Variants in CEP112 observed in about 807,000 individuals in gnomAD.
CEP112 encodes the protein centrosomal protein of 112 kDa.
In CEP112, 127 loss-of-function variants were observed where a neutral mutation model predicts 153.0. The ratio of observed to expected loss-of-function variants is 0.83; its 90% CI spans 0.72 to 0.96. The LOEUF (loss-of-function observed/expected upper bound fraction) is 0.96, where lower values mean the gene tolerates loss of function less well. CEP112 is among the 40% of genes least tolerant of loss of function. CEP112 has a pLI of 0.00. For synonymous variants in CEP112, 358 were observed against 374.4 expected, an observed-to-expected ratio of 0.96 and a Z score of 0.51; for missense variants, 1,089 against 1,101.2, an observed-to-expected ratio of 0.99 and a Z score of 0.16.
chr17:65,876,842 T>C (rs1384661948), intron 20 of CEP112, among the ~76,000 whole-genome samples: 1 of 152,170 alleles, frequency 6.6e-6, no homozygotes, highest in African/African-American at 2.4e-5. Flanking sequence ...TTATTTTGAT[T>C]GTTACATTTT....
At chr17:65,857,818 G>GAGTT in intron 20 of CEP112, among the ~76,000 whole-genome samples, 1 of 152,234 alleles carries the variant, frequency 6.6e-6, no homozygotes, top group Admixed American at 6.5e-5. Flanking sequence ...AGTATAAGAT[G>GAGTT]AGTTATTTGT....
At chr17:65,758,014 T>C (rs187985692) in intron 21 of CEP112, among the ~76,000 whole-genome samples, 1 of 152,254 alleles carries the variant, frequency 6.6e-6, no homozygotes, top group Admixed American at 6.5e-5. Context: ...GGGAACCACA[T>C]AGTGAGACAG....
chr17:65,886,686 T>C (rs1352999277), intron 20 of CEP112, among the ~76,000 whole-genome samples: 3 of 152,238 alleles, frequency 2.0e-5, no homozygotes, highest in Admixed American at 1.3e-4. Flanking sequence ...GTAGTTAAAA[T>C]GCAATTCACT....
At chr17:66,186,206 T>C (rs2072927772) in intron 1 of CEP112, among the ~76,000 whole-genome samples, 1 of 152,152 alleles carries the variant, frequency 6.6e-6, no homozygotes, top group Admixed American at 6.5e-5. Context: ...GCTCCAACCA[T>C]CTGACTACCA....
chr17:65,679,027 G>A (rs778692350), intron 24 of CEP112, among the ~76,000 whole-genome samples: 40 of 149,894 alleles, frequency 2.7e-4, no homozygotes, highest in Non-Finnish European at 1.0e-4. Context: ...TTGCTTTGGC[G>A]CTTTGCCACC....
At chr17:66,085,997 A>AAAAAAAAAAAAAG (rs2067912254) in intron 8 of CEP112, among the ~76,000 whole-genome samples, 1 of 151,280 alleles carries the variant, frequency 6.6e-6, no homozygotes. Flanking sequence ...AAAAAAAAAA[A>AAAAAAAAAAAAAG]GCAATGAAAT....
At chr17:66,152,675 A>G (rs1166515745) in intron 4 of CEP112, among the ~76,000 whole-genome samples, 1 of 152,200 alleles carries the variant, frequency 6.6e-6, no homozygotes, top group Non-Finnish European at 1.5e-5. Context: ...TAAAAAGATT[A>G]AGAGTATGCC....
intron 20 of CEP112, among the ~76,000 whole-genome samples, chr17:65,854,983 C>T (rs2058078767): frequency 1.3e-5 from 2 of 152,152 alleles, no homozygotes; most frequent in South Asian, 4.2e-4. Flanking sequence ...TCAGGGATAT[C>T]AACATGGCAG....
At chr17:65,654,056 CA>C (rs773433478) in intron 24 of CEP112, among the ~76,000 whole-genome samples, 2,297 of 26,900 alleles carry the variant, frequency 0.085, 7 homozygotes, top group African/African-American at 0.12. Context: ...AAGACTCCAT[CA>C]AAAAAAAAAA....
At chr17:65,939,774 A>G (rs2061453239) in intron 18 of CEP112, among the ~76,000 whole-genome samples, 1 of 152,212 alleles carries the variant, frequency 6.6e-6, no homozygotes, top group Non-Finnish European at 1.5e-5. Flanking sequence ...ATAAAAGTTG[A>G]AGCTCTAAAA....
intron 21 of CEP112, among the ~76,000 whole-genome samples, chr17:65,813,586 T>C (rs2056104881): frequency 6.6e-6 from 1 of 152,210 alleles, no homozygotes; most frequent in African/African-American, 2.4e-5. Context: ...GTTCTGCAAC[T>C]TGTAGCTGTG....
At position 66,191,836 on chromosome 17, in the gene CEP112, G is replaced by A. The variant is rs1001909963; in HGVS notation, c.-9+161C>T. ...ACAGCGGGCAGCGCCGGGACCCCAGGGGCGCGCGCCCCCCAGGCCCGGAGA... is the reference window on the plus strand; with the variant it reads ...ACAGCGGGCAGCGCCGGGACCCCAGAGGCGCGCGCCCCCCAGGCCCGGAGA... On this transcript the variant is annotated intron_variant, in intron 1 of 26. Coordinates refer to ENST00000535342, the MANE Select transcript of CEP112 (RefSeq NM_001199165.4). This position sits in a 1 kb window ranked among gnomAD's most constrained non-coding sequence, Gnocchi z 4.2. 4 of 152,384 alleles carry A rather than the reference G, an allele frequency of 2.6e-5. No homozygotes were observed. Among genetic ancestry groups the A allele is most frequent in the Admixed American group, 6.5e-5 (1 of 15,278 alleles). The allele number at this position is 152,384 out of a possible 1,614,324, so 9.4% of individuals were successfully genotyped here.
intron 16 of CEP112, among the ~76,000 whole-genome samples, chr17:66,023,300 T>C (rs1325139394): frequency 6.6e-6 from 1 of 151,714 alleles, no homozygotes; most frequent in African/African-American, 2.4e-5. Flanking sequence ...AAGAAAAAAA[T>C]CCTAAACTCA....
chr17:65,989,592 A>G (rs992795237), intron 17 of CEP112, among the ~76,000 whole-genome samples: 2 of 152,204 alleles, frequency 1.3e-5, no homozygotes, highest in African/African-American at 4.8e-5. Flanking sequence ...CACCAACACC[A>G]GAACCATCTT....
chr17:66,075,977 G>T (rs1349653649), intron 8 of CEP112, among the ~76,000 whole-genome samples: 1 of 152,252 alleles, frequency 6.6e-6, no homozygotes, highest in East Asian at 1.9e-4. Context: ...AGACATTTCC[G>T]ACCTTACCCA....
At chr17:65,971,041 T>C (rs1191571257) in intron 17 of CEP112, among the ~76,000 whole-genome samples, 2 of 152,220 alleles carry the variant, frequency 1.3e-5, no homozygotes, top group African/African-American at 4.8e-5. Flanking sequence ...TTTAAGAGGC[T>C]TGTATTACAT....
chr17:65,983,049 G>C (rs945813336), intron 17 of CEP112, among the ~76,000 whole-genome samples: 1 of 152,296 alleles, frequency 6.6e-6, no homozygotes, highest in Admixed American at 6.5e-5. Flanking sequence ...TGGTGGTTAG[G>C]AGGATCTGAC....
intron 18 of CEP112, among the ~76,000 whole-genome samples, 163 bp from the exon 19 acceptor site, chr17:65,927,852 A>G (rs1239864611): frequency 6.6e-6 from 1 of 152,168 alleles, no homozygotes; most frequent in African/African-American, 2.4e-5. Flanking sequence ...AATTCATTTT[A>G]ATATATTTTA....
rs1340959088 is a variant in CEP112 at position 66,042,285 on chromosome 17, G to A, written c.1218+11451C>T. Among the ~76,000 whole-genome samples, 7 of 152,154 alleles carry A rather than the reference G, an allele frequency of 4.6e-5. No individual in the cohort carries two copies. The East Asian group carries it at 1.3e-3, about 29-fold the overall frequency. On this transcript the variant is annotated intron_variant, in intron 12 of 26. Coordinates refer to ENST00000535342, the MANE Select transcript of CEP112 (RefSeq NM_001199165.4). ...GAATCACCTGAACCCAGGAGGCGGA[G>A]GTTGTAGTGAGCTGAGATTGTGCAA... is the stretch of plus-strand genomic sequence containing the variant.
Sources: allele counts gnomAD v4.1 joint callset (sites outside exome capture counted in the v4.1 genomes callset), GRCh38; gene constraint gnomAD v4.1.1; non-coding constraint Gnocchi (gnomAD v3.1); transcripts MANE v1.5; gene names NCBI Gene and HGNC (gene_info 2026-07-23, HGNC 2026-07-21).